CHSY3: variants seen among roughly 807,000 people sequenced by gnomAD.
CHSY3 encodes the protein N-acetylgalactosaminyl-proteoglycan 3-beta-glucuronosyltransferase 3.
Under a neutral mutation model 67.2 loss-of-function variants are expected in CHSY3, and 35 were observed. That is an observed-to-expected ratio of 0.52 (90% CI 0.40 to 0.69). CHSY3 has a LOEUF of 0.69. Ranked by LOEUF, CHSY3 falls within the 30% of genes least tolerant of loss-of-function variation. The pLI is 0.00. For missense variants in CHSY3, 1,069 were observed against 1,138.5 expected (o/e 0.94, Z 0.88); for synonymous variants, 474 against 434.7 (o/e 1.09, Z -1.12).
At chr5:130,001,302 T>C (rs1166824176) in intron 2 of CHSY3, 1 of 236,584 alleles carries the variant, frequency 4.2e-6, no homozygotes, top group African/African-American at 2.3e-5. Context: ...GAAACAGTCA[T>C]GATTCATGAT....
At chr5:130,110,433 T>C (rs1047969280) in intron 2 of CHSY3, among the ~76,000 whole-genome samples, 1 of 151,994 alleles carries the variant, frequency 6.6e-6, no homozygotes, top group Non-Finnish European at 1.5e-5. Flanking sequence ...TGAAAAGTGT[T>C]GTTTCTTTAG....
chr5:130,105,706 C>G (rs1377520658), intron 2 of CHSY3, among the ~76,000 whole-genome samples: 2 of 151,646 alleles, frequency 1.3e-5, no homozygotes, highest in Middle Eastern at 3.2e-3. Context: ...AGTAGCCCAT[C>G]CTCAATCATT....
chr5:130,067,630 G>C (rs192767312), intron 2 of CHSY3, among the ~76,000 whole-genome samples: 1 of 152,210 alleles, frequency 6.6e-6, no homozygotes, highest in East Asian at 1.9e-4. Context: ...GCCACTCCTA[G>C]AGAAGGTCCA....
In CHSY3 at chr5:130,185,754, A is replaced by C; in HGVS notation, c.2612A>C (p.Lys871Thr). ...CAACTGGCTGAACTCTGGCTTGAAA[A>C]ACATTTAGGTGTCAGGTACAATCGA... is the stretch of plus-strand genomic sequence containing the variant. The part of the protein sequence containing the change: ...TMQLAELWLE[K>T]HLGVRYNRTL... The change falls in exon 3 of 3, where the codon AAA becomes ACA. Residue 871 changes from lysine to threonine, a missense_variant. Lys to Thr is a moderately conservative substitution (Grantham distance 78). Coordinates refer to ENST00000305031, the MANE Select transcript of CHSY3 (RefSeq NM_175856.5). 6.2e-7 allele frequency: 1 copy of C among 1,609,654 alleles called. No individual in the cohort carries two copies. Among genetic ancestry groups the C allele is most frequent in the South Asian group, 1.1e-5 (1 of 90,698 alleles).
In CHSY3 at chr5:129,955,630, T is replaced by C. The variant is rs535684507; in HGVS notation, c.1086+47270T>C. 2.6e-5 allele frequency among the ~76,000 whole-genome samples: 4 copies of C among 152,200 alleles called. No individual in the cohort carries two copies. In the South Asian group the frequency reaches 8.3e-4, roughly 32 times the overall value. ...AGTAAACTCATGTCATGAGGGTTTGTTGTGCAGATTATTTCATCACCCAGG... is the reference window on the plus strand; with the variant it reads ...AGTAAACTCATGTCATGAGGGTTTGCTGTGCAGATTATTTCATCACCCAGG... On this transcript the variant is annotated intron_variant, in intron 2 of 2. Transcript: ENST00000305031.
intron 2 of CHSY3, among the ~76,000 whole-genome samples, chr5:129,954,979 C>T (rs1273538364): frequency 2.6e-5 from 4 of 152,108 alleles, no homozygotes; most frequent in African/African-American, 7.2e-5. Context: ...AGTGATTCTC[C>T]TGCCTCAGCC....
Position 130,095,697 on chromosome 5 carries a change from G to A in CHSY3, c.1087-88532G>A, listed in dbSNP as rs1239249984. 2.0e-5 allele frequency among the ~76,000 whole-genome samples: 3 copies of A among 152,200 alleles called. No homozygotes were observed. The East Asian group carries it at 5.8e-4, about 29-fold the overall frequency. ...TTGCTGCAAGGCAAGATCCACCAATGGAGGCTAAAATTAATGGGCAAAAGT... is the reference window on the plus strand; with the variant it reads ...TTGCTGCAAGGCAAGATCCACCAATAGAGGCTAAAATTAATGGGCAAAAGT... On this transcript the variant is annotated intron_variant, in intron 2 of 2. Coordinates refer to ENST00000305031, the MANE Select transcript of CHSY3 (RefSeq NM_175856.5).
intron 2 of CHSY3, among the ~76,000 whole-genome samples, chr5:130,092,773 CAT>C (rs1395585691): frequency 2.0e-5 from 3 of 152,156 alleles, no homozygotes; most frequent in Admixed American, 1.3e-4. Context: ...AGATCAGTCT[CAT>C]ATCCATCTCC....
At chr5:130,100,964 G>A (rs138126630) in intron 2 of CHSY3, among the ~76,000 whole-genome samples, 76 of 152,294 alleles carry the variant, frequency 5.0e-4, no homozygotes, top group African/African-American at 1.5e-3. Context: ...CACTGATCAA[G>A]TATAATAAGT....
chr5:129,927,991 G>T (rs1761172678), intron 2 of CHSY3, among the ~76,000 whole-genome samples: 1 of 151,956 alleles, frequency 6.6e-6, no homozygotes, highest in African/African-American at 2.4e-5. Flanking sequence ...GCCAATTCAT[G>T]TGGTTATTAA....
In CHSY3 at chr5:129,928,308, A is replaced by G. The variant is rs528959407; in HGVS notation, c.1086+19948A>G. ...ATTTTTTCAGTAGAATAGAATTTAC[A>G]TGGCTTGGCCAAATTAATCTAGAAC... On this transcript the variant is annotated intron_variant, in intron 2 of 2. Coordinates refer to ENST00000305031, the MANE Select transcript of CHSY3 (RefSeq NM_175856.5). 1.8e-4 allele frequency among the ~76,000 whole-genome samples: 28 copies of G among 151,468 alleles called. No homozygotes were observed. In the South Asian group the frequency reaches 2.3e-3, roughly 12 times the overall value.
At chr5:130,057,187 G>A (rs1032528007) in intron 2 of CHSY3, among the ~76,000 whole-genome samples, 1 of 151,750 alleles carries the variant, frequency 6.6e-6, no homozygotes, top group East Asian at 1.9e-4. Context: ...GCCTCCCAAA[G>A]TGCTGGGATT....
Position 129,932,757 on chromosome 5 carries a change from CT to C in CHSY3, c.1086+24407del, listed in dbSNP as rs143935926. ...AATACCCATTTTAAAAAGAGAAAGT[CT>C]TTTTTTTTTAAAGGCATATTGAGAA... On this transcript the variant is annotated intron_variant, in intron 2 of 2. Transcript: ENST00000305031. Among the ~76,000 whole-genome samples the C allele has an allele frequency of 5.9e-3, 877 of 148,004 alleles. 13 individuals carry two copies. Among genetic ancestry groups the C allele is most frequent in the African/African-American group, 0.02 (820 of 40,486 alleles).
chr5:130,054,894 T>C (rs191257807), intron 2 of CHSY3, among the ~76,000 whole-genome samples: 151 of 152,264 alleles, frequency 9.9e-4, no homozygotes, highest in Admixed American at 2.7e-3. Context: ...GGCTTTCTGA[T>C]CCTACCTAAT....
intron 2 of CHSY3, among the ~76,000 whole-genome samples, chr5:129,923,822 C>A (rs920273680): frequency 2.6e-5 from 4 of 152,120 alleles, no homozygotes; most frequent in Non-Finnish European, 5.9e-5. Flanking sequence ...GGCTTTGCAG[C>A]CCTTTGTGAA....
intron 2 of CHSY3, among the ~76,000 whole-genome samples, chr5:130,075,936 A>G (rs1766235155): frequency 6.6e-6 from 1 of 152,172 alleles, no homozygotes; most frequent in African/African-American, 2.4e-5. Flanking sequence ...TAAGGGAATT[A>G]CCAACTTCTT....
At chr5:129,978,606 TATCATATGTATTTTTATGTACAAATCGTA>T (rs1403211727) in intron 2 of CHSY3, among the ~76,000 whole-genome samples, 4 of 152,066 alleles carry the variant, frequency 2.6e-5, no homozygotes, top group Non-Finnish European at 5.9e-5. Context: ...CTTTCCAATA[TATCATATGTATTTTTATGTACAAATCGTA>T]ATGAAGATAA....
chr5:130,111,044 G>T (rs969749587), intron 2 of CHSY3, among the ~76,000 whole-genome samples: 1 of 151,794 alleles, frequency 6.6e-6, no homozygotes, highest in Non-Finnish European at 1.5e-5. Context: ...AAACCTCCAT[G>T]TTTGTATCAT....
intron 2 of CHSY3, among the ~76,000 whole-genome samples, chr5:129,961,048 G>A (rs1016603419): frequency 2.0e-5 from 3 of 151,976 alleles, no homozygotes; most frequent in Non-Finnish European, 4.4e-5. Context: ...GGTTGATTGC[G>A]GCAAGTCTGA....
Sources: allele counts gnomAD v4.1 joint callset (sites outside exome capture counted in the v4.1 genomes callset), GRCh38; gene constraint gnomAD v4.1.1; transcripts MANE v1.5; gene names NCBI Gene and HGNC (gene_info 2026-07-23, HGNC 2026-07-21).